GRIN2A: variants seen among roughly 807,000 people sequenced by gnomAD.
GRIN2A encodes the protein glutamate ionotropic receptor NMDA type subunit 2A.
In GRIN2A, 22 loss-of-function variants were observed where a neutral mutation model predicts 113.4. That is an observed-to-expected ratio of 0.19 (90% CI 0.14 to 0.28). The LOEUF is 0.28. GRIN2A is among the 10% of genes least tolerant of loss of function. The pLI is 1.00. For synonymous variants in GRIN2A, 827 were observed against 738.4 expected (o/e 1.12, Z -1.94); for missense variants, 1,502 against 1,887.0 (o/e 0.80, Z 3.78).
chr16:9,860,888 C>G (rs1172986874), intron 4 of GRIN2A, among the ~76,000 whole-genome samples: 4 of 152,172 alleles, frequency 2.6e-5, no homozygotes, highest in Admixed American at 6.5e-5. Flanking sequence ...TGCTCACCCA[C>G]AATGCAGTTC....
intron 4 of GRIN2A, among the ~76,000 whole-genome samples, chr16:9,881,266 C>G (rs367892464): frequency 2.0e-5 from 3 of 152,220 alleles, no homozygotes; most frequent in African/African-American, 7.2e-5. Context: ...TTCCTTCTTT[C>G]CTTTTCCTCT....
intron 7 of GRIN2A, among the ~76,000 whole-genome samples, chr16:9,839,425 T>TA (rs142673716): frequency 0.056 from 8,504 of 152,166 alleles, 738 homozygotes; most frequent in African/African-American, 0.19. Flanking sequence ...ACAAAACGGT[T>TA]AAAAAAATCA....
At chr16:9,968,052 G>T (rs1005315063) in intron 2 of GRIN2A, among the ~76,000 whole-genome samples, 1 of 152,080 alleles carries the variant, frequency 6.6e-6, no homozygotes, top group Non-Finnish European at 1.5e-5. Flanking sequence ...TAAACCTCCA[G>T]ACAACCCAGT....
chr16:9,905,062 G>C (rs891851937), intron 3 of GRIN2A, among the ~76,000 whole-genome samples: 3 of 152,304 alleles, frequency 2.0e-5, no homozygotes, highest in African/African-American at 7.2e-5. Flanking sequence ...CTATAGAAAG[G>C]CTTCAAATCT....
chr16:10,083,654 C>A (rs925385102), intron 2 of GRIN2A, among the ~76,000 whole-genome samples: 1 of 152,148 alleles, frequency 6.6e-6, no homozygotes, highest in African/African-American at 2.4e-5. Context: ...CACCCCCGAT[C>A]CCTACTCTCC....
chr16:9,799,532 A>T (rs954480299), intron 10 of GRIN2A, among the ~76,000 whole-genome samples: 9 of 152,214 alleles, frequency 5.9e-5, no homozygotes, highest in African/African-American at 1.7e-4. Flanking sequence ...TGCCCTAGGA[A>T]ACCAAGACAT....
chr16:10,130,997 G>C (rs1257461169), intron 2 of GRIN2A, among the ~76,000 whole-genome samples: 1 of 152,172 alleles, frequency 6.6e-6, no homozygotes, highest in African/African-American at 2.4e-5. Flanking sequence ...AGGTTCAGGA[G>C]GCAAATGAAA....
chr16:10,112,021 G>A lies in GRIN2A; in HGVS notation c.414+67977C>T, dbSNP rs569971178. On this transcript the variant is annotated intron_variant, in intron 2 of 12. Transcript: ENST00000330684. ...GGGAAGCTGCCTGTGGTCAATGATC[G>A]CCATGAGCTAGTGGCCATCGTCTCC... 623 of 644,648 alleles carry A rather than the reference G, an allele frequency of 9.7e-4. 2 individuals are homozygous for A. The highest frequency in any genetic ancestry group is 1.4e-3 in the Non-Finnish European group (485 of 352,314). The allele number at this position is 644,648 out of a possible 1,614,324, so 39.9% of individuals were successfully genotyped here. A position where few individuals can be genotyped will look rare whatever the true frequency, so the allele number is the denominator to read the frequency against.
intron 2 of GRIN2A, among the ~76,000 whole-genome samples, chr16:9,962,410 T>G (rs2045460716): frequency 6.6e-6 from 1 of 151,672 alleles, no homozygotes. Context: ...TCAAACAAAT[T>G]TACAAGAAAA....
chr16:9,902,187 T>C (rs1470054780), intron 3 of GRIN2A, among the ~76,000 whole-genome samples: 1 of 152,210 alleles, frequency 6.6e-6, no homozygotes, highest in African/African-American at 2.4e-5. Context: ...AAAGCTTACA[T>C]TTCTAGCTTC....
intron 3 of GRIN2A, among the ~76,000 whole-genome samples, chr16:9,930,399 T>C (rs1418708479): frequency 6.6e-6 from 1 of 152,232 alleles, no homozygotes; most frequent in Non-Finnish European, 1.5e-5. Flanking sequence ...AACACAGCAC[T>C]GTCTAAGTCT....
At chr16:9,797,641 T>C (rs1394828454) in intron 11 of GRIN2A, among the ~76,000 whole-genome samples, 3 of 152,178 alleles carry the variant, frequency 2.0e-5, no homozygotes, top group Non-Finnish European at 4.4e-5. Flanking sequence ...GAAAGAGTCT[T>C]TGACCTCAAA....
At chr16:9,924,458 T>C (rs566691230) in intron 3 of GRIN2A, among the ~76,000 whole-genome samples, 4 of 152,348 alleles carry the variant, frequency 2.6e-5, no homozygotes, top group African/African-American at 9.6e-5. Flanking sequence ...TTTTTCACTC[T>C]GACAGCTTTC....
In GRIN2A at chr16:9,858,335, T is replaced by C. The variant is rs191166701; in HGVS notation, c.1123-8374A>G. Among the ~76,000 whole-genome samples the C allele has an allele frequency of 2.9e-3, 448 of 152,330 alleles. 2 individuals carry two copies. Among genetic ancestry groups the C allele is most frequent in the African/African-American group, 0.01 (432 of 41,580 alleles). ...ACCATTCTTAGTGCTATTTTAATTCTAATAAACTCCCTATACGGAAGAGGA... is the reference window on the plus strand; with the variant it reads ...ACCATTCTTAGTGCTATTTTAATTCCAATAAACTCCCTATACGGAAGAGGA... On this transcript the variant is annotated intron_variant, in intron 4 of 12. Coordinates refer to ENST00000330684, the MANE Select transcript of GRIN2A (RefSeq NM_001134407.3).
At position 9,779,161 on chromosome 16, in the gene GRIN2A, A is replaced by G. The variant is rs561374692; in HGVS notation, c.2357-10072T>C. The stretch of plus-strand genomic sequence containing the variant: ...TGATCCATTTAAAGGAAGCAGTGGG[A>G]AAGCATGGAGCCTGGTCTCCCAGGT... On this transcript the variant is annotated intron_variant, in intron 11 of 12. Coordinates refer to ENST00000330684, the MANE Select transcript of GRIN2A (RefSeq NM_001134407.3). Among the ~76,000 whole-genome samples the G allele has an allele frequency of 5.9e-5, 9 of 152,328 alleles. No homozygotes were observed. The South Asian group carries it at 1.9e-3, about 32-fold the overall frequency.
chr16:9,809,142 G>A (rs554795151), intron 10 of GRIN2A, among the ~76,000 whole-genome samples: 126 of 152,212 alleles, frequency 8.3e-4, no homozygotes, highest in African/African-American at 2.6e-3. Flanking sequence ...AATGCAGACC[G>A]GGCACGGTGG....
At chr16:10,116,178 A>G (rs2048725196) in intron 2 of GRIN2A, among the ~76,000 whole-genome samples, 1 of 152,218 alleles carries the variant, frequency 6.6e-6, no homozygotes, top group Admixed American at 6.5e-5. Context: ...AGGGACATGG[A>G]TGAAGCTGGA....
chr16:10,181,124 T>G (rs929517990), intron 1 of GRIN2A, among the ~76,000 whole-genome samples: 49 of 81,406 alleles, frequency 6.0e-4, no homozygotes, highest in African/African-American at 2.1e-3. Context: ...CTGGGGAACT[T>G]GGGGCTCGCC....
chr16:10,063,784 G>A (rs568273453), intron 2 of GRIN2A, among the ~76,000 whole-genome samples: 1 of 152,198 alleles, frequency 6.6e-6, no homozygotes, highest in African/African-American at 2.4e-5. Context: ...TAATAAAAAA[G>A]AACACTAGGT....
Sources: allele counts gnomAD v4.1 joint callset (sites outside exome capture counted in the v4.1 genomes callset), GRCh38; gene constraint gnomAD v4.1.1; transcripts MANE v1.5; gene names NCBI Gene and HGNC (gene_info 2026-07-23, HGNC 2026-07-21).